The following MAP3K13 variants were observed in gnomAD, a reference collection of about 807,000 sequenced individuals.
MAP3K13 encodes the protein leucine zipper-bearing kinase.
MAP3K13 carries 52 observed loss-of-function variants against 104.0 expected under a neutral mutation model. That is an observed-to-expected ratio of 0.50 (90% CI 0.40 to 0.63). The LOEUF is 0.63. Ranked by LOEUF, MAP3K13 falls within the 20% of genes least tolerant of loss-of-function variation. The pLI is 0.00. For synonymous variants in MAP3K13, 394 were observed against 442.2 expected, an observed-to-expected ratio of 0.89 and a Z score of 1.37; for missense variants, 914 against 1,218.5, an observed-to-expected ratio of 0.75 and a Z score of 3.72.
At chr3:185,347,228 A>C (rs1000100987) in intron 2 of MAP3K13, among the ~76,000 whole-genome samples, 1 of 151,872 alleles carries the variant, frequency 6.6e-6, no homozygotes, top group Non-Finnish European at 1.5e-5. Context: ...CTTATGATCC[A>C]CCCACCTCAG....
At chr3:185,383,921 T>C (rs1012667013) in intron 1 of MAP3K13, among the ~76,000 whole-genome samples, 5 of 152,218 alleles carry the variant, frequency 3.3e-5, no homozygotes, top group African/African-American at 1.2e-4. Context: ...ATGTCCATCA[T>C]TGAACAATTA....
At chr3:185,441,390 C>T (rs776684548) in intron 3 of MAP3K13, among the ~76,000 whole-genome samples, 42 of 152,170 alleles carry the variant, frequency 2.8e-4, no homozygotes, top group Middle Eastern at 3.4e-3. Flanking sequence ...TTGCTGTGAA[C>T]CTCTAGGCGT....
At chr3:185,379,739 A>G (rs1465455158) in intron 1 of MAP3K13, among the ~76,000 whole-genome samples, 12 of 152,112 alleles carry the variant, frequency 7.9e-5, no homozygotes, top group Non-Finnish European at 1.8e-4. Flanking sequence ...TACATTCATT[A>G]TTTTTTTCCC....
rs146233117 is a variant in MAP3K13, at chr3:185,415,676, C to T, written c.-85-12821C>T. Among the ~76,000 whole-genome samples the T allele has an allele frequency of 3.3e-3, 495 of 149,134 alleles. 7 individuals are homozygous for T. In the East Asian group the frequency reaches 0.049, roughly 15 times the overall value. ...TTGTCTCACTGCAACCTTTGCCTCC[C>T]GGGCTCAAGAGATTCTCCTGCCTCA... On this transcript the variant is annotated intron_variant, in intron 1 of 13. Transcript: ENST00000265026.
intron 1 of MAP3K13, among the ~76,000 whole-genome samples, chr3:185,415,675 C>G (rs974238363): frequency 1.3e-4 from 20 of 149,148 alleles, no homozygotes; most frequent in Non-Finnish European, 2.1e-4. Flanking sequence ...CCTTTGCCTC[C>G]CGGGCTCAAG....
rs897378764 is a variant in MAP3K13 at position 185,473,984 on chromosome 3, C to T, written c.2430+223C>T. The stretch of plus-strand genomic sequence containing the variant: ...CTTTAGCAACTACTGAACCAGAGGA[C>T]TGAGTCAAGTGTATGTATAATAACT... On this transcript the variant is annotated intron_variant, in intron 11 of 13. Coordinates refer to ENST00000265026, the MANE Select transcript of MAP3K13 (RefSeq NM_004721.5). The surrounding 1 kb of genome is among the most constrained non-coding windows in gnomAD (Gnocchi z 4.9). Among the ~76,000 whole-genome samples the T allele has an allele frequency of 5.3e-5, 8 of 152,260 alleles. No homozygotes were observed. Among genetic ancestry groups the T allele is most frequent in the African/African-American group, 1.9e-4 (8 of 41,540 alleles).
chr3:185,486,405 T>A lies in MAP3K13; in HGVS notation c.*3949T>A, dbSNP rs1718719722. ...GAGGTTTCAGAGGAGAATAAGGTCC[T>A]TAGTGGAGGTTAAAAAGGGAAATAC... is the stretch of plus-strand genomic sequence containing the variant. On this transcript the variant is annotated 3_prime_UTR_variant, in exon 14 of 14. Coordinates refer to ENST00000265026, the MANE Select transcript of MAP3K13 (RefSeq NM_004721.5). The A allele has an allele frequency of 6.6e-6, 1 of 152,168 alleles. No individual in the cohort carries two copies. The highest frequency in any genetic ancestry group is 6.5e-5 in the Admixed American group (1 of 15,282). The allele number at this position is 152,168 out of a possible 1,614,324, so 9.4% of individuals were successfully genotyped here.
intron 1 of MAP3K13, among the ~76,000 whole-genome samples, chr3:185,372,782 A>G (rs2108750998): frequency 6.6e-6 from 1 of 152,332 alleles, no homozygotes; most frequent in Admixed American, 6.5e-5. Context: ...ACCAGTTCTA[A>G]TAGACTTTGA....
At chr3:185,343,058 C>T (rs549280890) in intron 2 of MAP3K13, among the ~76,000 whole-genome samples, 41 of 152,230 alleles carry the variant, frequency 2.7e-4, no homozygotes, top group Non-Finnish European at 3.1e-4. Context: ...CCTTGCCATG[C>T]GGGGTTCCCC....
At chr3:185,443,107 C>CT (rs1715414650) in intron 3 of MAP3K13, among the ~76,000 whole-genome samples, 1 of 151,956 alleles carries the variant, frequency 6.6e-6, no homozygotes, top group South Asian at 2.1e-4. Flanking sequence ...CCAAATTATT[C>CT]TTAATGATCT....
chr3:185,436,691 T>C (rs1715045976), intron 2 of MAP3K13, among the ~76,000 whole-genome samples: 1 of 151,966 alleles, frequency 6.6e-6, no homozygotes, highest in Non-Finnish European at 1.5e-5. Flanking sequence ...ATGAAGTTCT[T>C]AGGAGAGTAT....
intron 3 of MAP3K13, among the ~76,000 whole-genome samples, chr3:185,442,668 G>A (rs1244293578): frequency 6.6e-6 from 1 of 151,600 alleles, no homozygotes; most frequent in Non-Finnish European, 1.5e-5. Context: ...CGAGTAGCTG[G>A]CATTACAGGC....
chr3:185,416,301 T>C (rs1713767225), intron 1 of MAP3K13, among the ~76,000 whole-genome samples: 1 of 152,118 alleles, frequency 6.6e-6, no homozygotes, highest in Admixed American at 6.6e-5. Flanking sequence ...TGATTTCACA[T>C]ATATATTGAG....
At chr3:185,414,890 G>A (rs193031260) in intron 1 of MAP3K13, among the ~76,000 whole-genome samples, 44 of 152,108 alleles carry the variant, frequency 2.9e-4, no homozygotes, top group South Asian at 1.0e-3. Flanking sequence ...AAGATTTTTT[G>A]GCCAGGCGTG....
At position 185,477,362 on chromosome 3, in the gene MAP3K13, G is replaced by A. The variant is rs1718189759; in HGVS notation, c.2467G>A (p.Val823Ile). The change falls in exon 12 of 14, where the codon GTA (valine) becomes ATA (isoleucine). Residue 823 changes from valine to isoleucine, a missense_variant. Physicochemically the swap from Val to Ile is conservative, Grantham distance 29. This residue lies in a region of MAP3K13 where 583 missense variants were observed against 737.4 expected (regional missense o/e 0.79). Transcript: ENST00000265026. ...DDSSEEEEGE[V>I]DSEVEFPRRQ... ...CTCCTCAGAAGAGGAAGAAGGGGAA[G>A]TAGATAGTGAAGTTGAATTTCCACG... 1.9e-6 allele frequency: 3 copies of A among 1,612,994 alleles called. No homozygotes were observed. Among genetic ancestry groups the A allele is most frequent in the Non-Finnish European group, 2.5e-6 (3 of 1,178,950 alleles).
intron 2 of MAP3K13, among the ~76,000 whole-genome samples, chr3:185,307,772 G>C (rs1721347087): frequency 6.6e-6 from 1 of 151,920 alleles, no homozygotes; most frequent in South Asian, 2.1e-4. Context: ...TTGAACTCCT[G>C]ACCTTGTGAT....
At chr3:185,327,949 A>AGGAG (rs889023573) in intron 2 of MAP3K13, among the ~76,000 whole-genome samples, 10 of 135,748 alleles carry the variant, frequency 7.4e-5, no homozygotes, top group Non-Finnish European at 1.4e-4. Flanking sequence ...GGAAGCAGGA[A>AGGAG]GGAGGGAGGG....
At chr3:185,456,396 A>G (rs1716745414) in intron 7 of MAP3K13, among the ~76,000 whole-genome samples, 1 of 152,142 alleles carries the variant, frequency 6.6e-6, no homozygotes, top group African/African-American at 2.4e-5. Flanking sequence ...TCTTTGATAC[A>G]CATTCAGATC....
Position 185,443,523 on chromosome 3 carries a change from A to C in MAP3K13, c.738A>C (p.Arg246=). The C allele has an allele frequency of 2.5e-6, 4 of 1,614,174 alleles. No individual in the cohort carries two copies. Among genetic ancestry groups the C allele is most frequent in the Non-Finnish European group, 3.4e-6 (4 of 1,180,016 alleles). The change falls in exon 4 of 14, where the codon CGA becomes CGC. Residue 246 remains arginine (R), a synonymous_variant. Transcript: ENST00000265026. ...CAHGQLYEVL[R]AGRKITPRLL... ...ATGGACAACTCTACGAGGTCTTACG[A>C]GCTGGCAGGAAGATCACACCTCGAT...
Sources: gnomAD v4.1 joint callset for allele counts (sites outside exome capture counted in the v4.1 genomes callset) on GRCh38, gnomAD v4.1.1 for gene constraint, gnomAD v4.1.1 regional missense constraint, Gnocchi (gnomAD v3.1) non-coding constraint, MANE v1.5 for transcripts, NCBI Gene and HGNC (gene_info 2026-07-23, HGNC 2026-07-21) for gene names.